Variants in BANP observed in about 807,000 individuals in gnomAD.
The protein encoded by BANP is BTG3 associated nuclear protein.
BANP carries 11 observed loss-of-function variants against 68.1 expected under a neutral mutation model. The ratio of observed to expected loss-of-function variants is 0.16; its 90% CI spans 0.10 to 0.27. BANP has a LOEUF of 0.27. Ranked by LOEUF, BANP falls within the 10% of genes least tolerant of loss-of-function variation. The pLI is 1.00. For synonymous variants in BANP, 329 were observed against 303.2 expected (o/e 1.09, Z -0.88); for missense variants, 504 against 722.7 (o/e 0.70, Z 3.47).
intron 11 of BANP, among the ~76,000 whole-genome samples, chr16:88,063,503 T>A (rs2087516426): frequency 6.6e-6 from 1 of 152,288 alleles, no homozygotes; most frequent in Admixed American, 6.5e-5. Flanking sequence ...CAGCCTGGAC[T>A]CTCAGCCCGT....
Position 88,004,685 on chromosome 16 carries a change from C to G in BANP, c.479+274C>G, listed in dbSNP as rs2070448964. Among the ~76,000 whole-genome samples the G allele has an allele frequency of 6.6e-6, 1 of 152,212 alleles. No homozygotes were observed. Among genetic ancestry groups the G allele is most frequent in the Admixed American group, 6.5e-5 (1 of 15,278 alleles). ...GTTGTGGAGGGGGCTGGCTCTGTCTCCTCACAGCAGTCTGTGAAAGCGTTC... is the reference window on the plus strand; with the variant it reads ...GTTGTGGAGGGGGCTGGCTCTGTCTGCTCACAGCAGTCTGTGAAAGCGTTC... On this transcript the variant is annotated intron_variant, in intron 5 of 13. Transcript: ENST00000682872. This position sits in a 1 kb window ranked among gnomAD's most constrained non-coding sequence, Gnocchi z 7.0.
intron 11 of BANP, among the ~76,000 whole-genome samples, chr16:88,041,811 C>T (rs1376375264): frequency 2.0e-5 from 3 of 152,250 alleles, no homozygotes; most frequent in Non-Finnish European, 4.4e-5. Flanking sequence ...TGTCTGCTGA[C>T]AGGTGCTCTG....
At chr16:87,976,908 A>G (rs577802415) in intron 2 of BANP, among the ~76,000 whole-genome samples, 2 of 152,238 alleles carry the variant, frequency 1.3e-5, no homozygotes, top group Non-Finnish European at 2.9e-5. Context: ...AGAAAACATA[A>G]CACTGTAATC....
intron 12 of BANP, among the ~76,000 whole-genome samples, chr16:88,066,331 G>C (rs1259628474): frequency 6.6e-6 from 1 of 152,216 alleles, no homozygotes; most frequent in Non-Finnish European, 1.5e-5. Context: ...ATTACCAGCA[G>C]GCGGTAATTT....
At chr16:88,052,821 C>T (rs1340845606) in intron 11 of BANP, among the ~76,000 whole-genome samples, 1 of 151,906 alleles carries the variant, frequency 6.6e-6, no homozygotes, top group Non-Finnish European at 1.5e-5. Flanking sequence ...CTACCGCCTT[C>T]ACCACTGTCA....
rs375486367 is a variant in BANP, at chr16:88,018,682, G to A, written c.895+15G>A. ...CGGCATCCGGTGTAAGTCGGGCCCC[G>A]CCTTGGGGGACTGGGGTGTGCGGGG... On this transcript the variant is annotated intron_variant, in intron 7 of 13. Transcript: ENST00000682872. The surrounding 1 kb of genome is among the most constrained non-coding windows in gnomAD (Gnocchi z 7.7). 1.9e-6 allele frequency: 3 copies of A among 1,552,312 alleles called. No homozygotes were observed. In the East Asian group the frequency reaches 7.3e-5, roughly 38 times the overall value.
At chr16:87,977,675 T>G (rs984478082) in intron 2 of BANP, among the ~76,000 whole-genome samples, 1 of 152,240 alleles carries the variant, frequency 6.6e-6, no homozygotes, top group African/African-American at 2.4e-5. Context: ...TTTTAAATTG[T>G]TGACGTGTAT....
In BANP at chr16:88,023,631, C is replaced by T. The variant is rs535040476; in HGVS notation, c.896-3852C>T. Among the ~76,000 whole-genome samples, 8 of 152,316 alleles carry T rather than the reference C, an allele frequency of 5.3e-5. No homozygotes were observed. The South Asian group carries it at 1.7e-3, about 32-fold the overall frequency. ...TAAAGCCCCATGCCACCCACCAAGGCACAAGATGACAAGCCCTCCTGGCTC... is the reference window on the plus strand; with the variant it reads ...TAAAGCCCCATGCCACCCACCAAGGTACAAGATGACAAGCCCTCCTGGCTC... On this transcript the variant is annotated intron_variant, in intron 7 of 13. Transcript: ENST00000682872.
In BANP at chr16:88,028,291, G is replaced by T. The variant is rs1191526290; in HGVS notation, c.1063+641G>T. On this transcript the variant is annotated intron_variant, in intron 8 of 13. Transcript: ENST00000682872. ...TGGAACTTGAGCTGTGACTGGGGCTGGGGTCAGGATGCGAGGGCAGCCGTG... is the reference window on the plus strand; with the variant it reads ...TGGAACTTGAGCTGTGACTGGGGCTTGGGTCAGGATGCGAGGGCAGCCGTG... Among the ~76,000 whole-genome samples, 5 of 152,240 alleles carry T rather than the reference G, an allele frequency of 3.3e-5. 1 individual carries two copies. The highest frequency in any genetic ancestry group is 1.3e-4 in the Admixed American group (2 of 15,290).
intron 11 of BANP, among the ~76,000 whole-genome samples, chr16:88,043,068 G>T (rs11117352): frequency 0.071 from 10,819 of 152,272 alleles, 537 homozygotes; most frequent in East Asian, 0.18. Context: ...AGCTGCCTAA[G>T]TGAGAGTCTC....
intron 11 of BANP, among the ~76,000 whole-genome samples, chr16:88,059,186 G>A (rs1025889839): frequency 3.3e-5 from 5 of 150,010 alleles, no homozygotes; most frequent in Non-Finnish European, 5.9e-5. Flanking sequence ...TGCTGGTGGC[G>A]GGGCATGACC....
chr16:88,049,823 G>A (rs1328747182), intron 11 of BANP, among the ~76,000 whole-genome samples: 1 of 152,200 alleles, frequency 6.6e-6, no homozygotes. Context: ...CACGGCATCC[G>A]ACGAACACCA....
intron 1 of BANP, among the ~76,000 whole-genome samples, chr16:87,966,396 C>T (rs1412904847): frequency 6.6e-6 from 1 of 152,160 alleles, no homozygotes; most frequent in Admixed American, 6.5e-5. Context: ...CTGGACTATC[C>T]CCAGGACTTC....
At chr16:87,969,725 G>T (rs933370315) in intron 1 of BANP, among the ~76,000 whole-genome samples, 5 of 152,022 alleles carry the variant, frequency 3.3e-5, no homozygotes, top group African/African-American at 1.2e-4. Flanking sequence ...GTAGAGACGG[G>T]CTTTCACCAT....
chr16:88,008,978 T>G (rs1190616953), intron 6 of BANP, among the ~76,000 whole-genome samples: 3 of 152,244 alleles, frequency 2.0e-5, no homozygotes, highest in Non-Finnish European at 4.4e-5. Context: ...GTCGGTGTTA[T>G]GAAAATATCT....
chr16:87,984,292 G>T lies in BANP; in HGVS notation c.362+33G>T, dbSNP rs1346246596. The stretch of plus-strand genomic sequence containing the variant: ...CAGACCAGGGTGCCGGGGCCTTCAG[G>T]TCACTTGGGGAGAAGCGCGTCACCT... On this transcript the variant is annotated intron_variant, in intron 4 of 13. Coordinates refer to ENST00000682872, the MANE Select transcript of BANP (RefSeq NM_001386991.1). The T allele has an allele frequency of 4.6e-6, 7 of 1,528,612 alleles. No homozygotes were observed. In the South Asian group the frequency reaches 4.9e-5, roughly 11 times the overall value. 94.7% of individuals were successfully genotyped at this position (1,528,612 alleles called of 1,614,324 possible).
At chr16:88,051,313 G>T (rs750858178) in intron 11 of BANP, among the ~76,000 whole-genome samples, 26 of 152,264 alleles carry the variant, frequency 1.7e-4, no homozygotes, top group Non-Finnish European at 3.4e-4. Flanking sequence ...GTGTGGGGCG[G>T]CCTGCAGGGT....
At chr16:88,063,407 A>G (rs898709114) in intron 11 of BANP, among the ~76,000 whole-genome samples, 6 of 152,188 alleles carry the variant, frequency 3.9e-5, no homozygotes, top group Admixed American at 3.9e-4. Context: ...CTTAGTTAAT[A>G]GGAATTCAGT....
chr16:88,057,679 A>G lies in BANP; in HGVS notation c.1312-7588A>G, dbSNP rs2085439525. Reference sequence around the variant, plus strand: ...TGGGTCCTGGTTCTTACATCCCAGAAGGGAAGTTGCGGCACTGTGCGAGAC... The same window carrying G: ...TGGGTCCTGGTTCTTACATCCCAGAGGGGAAGTTGCGGCACTGTGCGAGAC... On this transcript the variant is annotated intron_variant, in intron 11 of 13. Transcript: ENST00000682872. The surrounding 1 kb of genome is among the most constrained non-coding windows in gnomAD (Gnocchi z 4.6). 6.9e-6 allele frequency among the ~76,000 whole-genome samples: 1 copy of G among 144,724 alleles called. No homozygotes were observed. Among genetic ancestry groups the G allele is most frequent in the African/African-American group, 2.5e-5 (1 of 39,376 alleles). The allele number at this position is 144,724 out of a possible 152,430, so 94.9% of individuals were successfully genotyped here.
Sources: gnomAD v4.1 joint callset for allele counts (sites outside exome capture counted in the v4.1 genomes callset) on GRCh38, gnomAD v4.1.1 for gene constraint, Gnocchi (gnomAD v3.1) non-coding constraint, MANE v1.5 for transcripts, NCBI Gene and HGNC (gene_info 2026-07-23, HGNC 2026-07-21) for gene names.